Variants in DHX33 observed in about 807,000 individuals in gnomAD.
DHX33 encodes the protein ATP-dependent RNA helicase DHX33.
A neutral mutation model predicts 72.5 loss-of-function variants in DHX33; 42 were observed. The observed-to-expected ratio is 0.58, with a 90% CI of 0.45 to 0.75. DHX33 has a LOEUF of 0.75. Ranked by LOEUF, DHX33 falls within the 30% of genes least tolerant of loss-of-function variation. The pLI is 0.00. For missense variants in DHX33, 842 were observed against 917.5 expected (o/e 0.92, Z 1.06); for synonymous variants, 358 against 366.1 (o/e 0.98, Z 0.25).
Position 5,462,462 on chromosome 17 carries a change from C to T in DHX33, c.535G>A (p.Ala179Thr). 1 of 1,614,214 alleles carries T rather than the reference C, an allele frequency of 6.2e-7. No homozygotes were observed. Among genetic ancestry groups the T allele is most frequent in the Non-Finnish European group, 8.5e-7 (1 of 1,180,018 alleles). The stretch of plus-strand genomic sequence containing the variant: ...TTCCGAAGCAAAGAGTCTGAAATTG[C>T]TTCACGCAGAAGCATGCCATCTGTC... ...FLTDGMLLRE[A>T]ISDSLLRKYS... Residue 179 changes from alanine to threonine, a missense_variant, in exon 3 of 12, where the codon GCA becomes ACA. Physicochemically the swap from Ala to Thr is moderately conservative, Grantham distance 58 (BLOSUM62 0). Coordinates refer to ENST00000225296, the MANE Select transcript of DHX33 (RefSeq NM_020162.4).
Position 5,444,309 on chromosome 17 carries a change from T to C in DHX33, c.2020A>G (p.Thr674Ala). 6.2e-7 allele frequency: 1 copy of C among 1,614,022 alleles called. No homozygotes were observed. The highest frequency in any genetic ancestry group is 8.5e-7 in the Non-Finnish European group (1 of 1,180,006). Residue 674 changes from threonine to alanine, a missense_variant, in exon 12 of 12, where the codon ACC (threonine) becomes GCC (alanine). Physicochemically the swap from Thr to Ala is moderately conservative, Grantham distance 58. Transcript: ENST00000225296. This position sits in a 1 kb window ranked among gnomAD's most constrained non-coding sequence, Gnocchi z 4.9. ...AGGTCCCGCATGTAGCACTTGTTGG[T>C]GTAGAGCAGCTCAGTGTACACGACG... The part of the protein sequence containing the change: ...ACVVYTELLY[T>A]NKCYMRDLCV...
chr17:5,447,148 T>A (rs1361151852), intron 11 of DHX33, among the ~76,000 whole-genome samples: 4 of 152,180 alleles, frequency 2.6e-5, no homozygotes, highest in Non-Finnish European at 4.4e-5. Flanking sequence ...AAATGTGGAG[T>A]GTCATGCGAG....
rs1013284157 is a variant in DHX33, at chr17:5,468,980, A to G, written c.-121T>C. The G allele has an allele frequency of 8.8e-6, 5 of 570,640 alleles. No individual in the cohort carries two copies. In the African/African-American group the frequency reaches 1.0e-4, roughly 12 times the overall value. The allele number at this position is 570,640 out of a possible 1,614,324, so 35.3% of individuals were successfully genotyped here. ...CACGTGCTGGCGGCTCCCGGCGACC[A>G]CCGATGACCTCACGGCCGCCCCAGT... On this transcript the variant is annotated 5_prime_UTR_variant, in exon 1 of 12. Transcript: ENST00000225296.
Position 5,444,294 on chromosome 17 carries a change from T to C in DHX33, c.2035A>G (p.Met679Val), listed in dbSNP as rs751430475. The change falls in exon 12 of 12, where the codon ATG (methionine) becomes GTG (valine). Residue 679 changes from methionine to valine, a missense_variant. Coordinates refer to ENST00000225296, the MANE Select transcript of DHX33 (RefSeq NM_020162.4). The surrounding 1 kb of genome is among the most constrained non-coding windows in gnomAD (Gnocchi z 4.9). ...TELLYTNKCY[M>V]RDLCVIDAQW... ...GCATCTATGACGCAGAGGTCCCGCATGTAGCACTTGTTGGTGTAGAGCAGC... is the reference window on the plus strand; with the variant it reads ...GCATCTATGACGCAGAGGTCCCGCACGTAGCACTTGTTGGTGTAGAGCAGC... The C allele has an allele frequency of 2.5e-6, 4 of 1,614,058 alleles. No individual in the cohort carries two copies. The highest frequency in any genetic ancestry group is 1.1e-5 in the South Asian group (1 of 91,086).
Position 5,455,164 on chromosome 17 carries a change from G to A in DHX33, c.1143C>T (p.Asn381=), listed in dbSNP as rs146627988. The change falls in exon 6 of 12, where the codon AAC becomes AAT. Residue 381 remains asparagine (N), a synonymous_variant. Coordinates refer to ENST00000225296, the MANE Select transcript of DHX33 (RefSeq NM_020162.4). ...TCATGAACTACAAATTCTCACCAGG[G>A]TTATACTTCTTTGCTTTAACCATGC... is the stretch of plus-strand genomic sequence containing the variant. ...DTGMVKAKKY[N]PDSGLEVLAV... is the part of the protein sequence containing the mutation. 189 of 1,612,698 alleles carry A rather than the reference G, an allele frequency of 1.2e-4. No homozygotes were observed. Among genetic ancestry groups the A allele is most frequent in the Non-Finnish European group, 1.6e-4 (184 of 1,178,836 alleles).
chr17:5,460,999 G>A lies in DHX33; in HGVS notation c.789C>T (p.Thr263=). The part of the protein sequence containing the change: ...GRQHPIQVFY[T]KQPQNDYLHA... ...GCAGGTAATCATTCTGAGGCTGTTT[G>A]GTGTAAAACACCTGGATCGGATGCT... The change falls in exon 4 of 12, where the codon ACC becomes ACT. Residue 263 remains threonine, a synonymous_variant. Coordinates refer to ENST00000225296, the MANE Select transcript of DHX33 (RefSeq NM_020162.4). 1 of 1,614,088 alleles carries A rather than the reference G, an allele frequency of 6.2e-7. No homozygotes were observed. The highest frequency in any genetic ancestry group is 1.3e-5 in the African/African-American group (1 of 75,032).
chr17:5,444,676 C>T lies in DHX33; in HGVS notation c.1816-163G>A, dbSNP rs1916576820. Among the ~76,000 whole-genome samples, 1 of 152,184 alleles carries T rather than the reference C, an allele frequency of 6.6e-6. No homozygotes were observed. The highest frequency in any genetic ancestry group is 1.5e-5 in the Non-Finnish European group (1 of 68,036). ...TTCGGAGGTGGTCACCAAGGATCAG[C>T]AAGGTCAGGGGAAGAAGGCCCAGCT... On this transcript the variant is annotated intron_variant, in intron 11 of 11. Coordinates refer to ENST00000225296, the MANE Select transcript of DHX33 (RefSeq NM_020162.4). The surrounding 1 kb of genome is among the most constrained non-coding windows in gnomAD (Gnocchi z 4.9).
At position 5,450,896 on chromosome 17, in the gene DHX33, C is replaced by T. The variant is rs1426538330; in HGVS notation, c.1435G>A (p.Gly479Ser). ...TGGTCATCCTTATGTTCAAGAGCAC[C>T]TAACAGGTCCAGTTGGGCAATGGCC... is the stretch of plus-strand genomic sequence containing the variant. Reference protein sequence around the residue: ...QAAIAQLDLLGALEHKDDQLT... With the variant: ...QAAIAQLDLLSALEHKDDQLT... Residue 479 changes from glycine to serine, a missense_variant, in exon 9 of 12, where the codon GGT (glycine) becomes AGT (serine). By Grantham distance (56) the Gly-to-Ser change is moderately conservative. Coordinates refer to ENST00000225296, the MANE Select transcript of DHX33 (RefSeq NM_020162.4). 2 of 1,613,992 alleles carry T rather than the reference C, an allele frequency of 1.2e-6. No individual in the cohort carries two copies. The highest frequency in any genetic ancestry group is 8.5e-7 in the Non-Finnish European group (1 of 1,180,030).
At chr17:5,458,148 T>C (rs1904411591) in intron 4 of DHX33, among the ~76,000 whole-genome samples, 1 of 152,014 alleles carries the variant, frequency 6.6e-6, no homozygotes, top group South Asian at 2.1e-4. Context: ...TGGGAAGCCA[T>C]GGGTCTCACC....
intron 8 of DHX33, 66 bp downstream of exon 8, chr17:5,453,514 G>C: frequency 7.9e-7 from 1 of 1,270,112 alleles, no homozygotes; most frequent in Non-Finnish European, 1.1e-6. Flanking sequence ...TTATTTTTTT[G>C]GAAGTGTCCA....
intron 4 of DHX33, among the ~76,000 whole-genome samples, chr17:5,457,674 T>C (rs748110471): frequency 2.6e-5 from 4 of 151,692 alleles, no homozygotes; most frequent in African/African-American, 9.7e-5. Context: ...TATATGTATA[T>C]TTATGTATAT....
chr17:5,460,481 G>A (rs1224569375), intron 4 of DHX33, among the ~76,000 whole-genome samples: 2 of 151,554 alleles, frequency 1.3e-5, no homozygotes, highest in Non-Finnish European at 2.9e-5. Context: ...TCCAGACACA[G>A]CAAATGAACT....
Position 5,450,944 on chromosome 17 carries a change from C to G in DHX33, c.1397-10G>C, listed in dbSNP as rs1173926719. On this transcript the variant is annotated splice_polypyrimidine_tract_variant and intron_variant, in intron 8 of 11. Coordinates refer to ENST00000225296, the MANE Select transcript of DHX33 (RefSeq NM_020162.4). ...GCCGCCTGAATGTGATCTAAAGAAA[C>G]AGAGACATAAAAAGGAGCCAAAAGT... The G allele has an allele frequency of 5.6e-6, 9 of 1,610,474 alleles. No homozygotes were observed. The Admixed American group carries it at 1.2e-4, about 21-fold the overall frequency.
intron 5 of DHX33, among the ~76,000 whole-genome samples, chr17:5,455,633 G>A (rs1191043823): frequency 6.6e-5 from 10 of 152,162 alleles, no homozygotes; most frequent in South Asian, 2.1e-4. Context: ...CTGCCTTGCC[G>A]GTTCCCACGA....
chr17:5,449,756 G>T (rs1916810639), intron 10 of DHX33, among the ~76,000 whole-genome samples: 2 of 152,124 alleles, frequency 1.3e-5, no homozygotes, highest in South Asian at 4.1e-4. Flanking sequence ...TTTTTCAACT[G>T]CACGAAGCTT....
At position 5,448,806 on chromosome 17, in the gene DHX33, T is replaced by C. The variant is rs751103954; in HGVS notation, c.1815+3A>G. 7 of 1,598,808 alleles carry C rather than the reference T, an allele frequency of 4.4e-6. No homozygotes were observed. Among genetic ancestry groups the C allele is most frequent in the Non-Finnish European group, 5.1e-6 (6 of 1,172,702 alleles). On this transcript the variant is annotated splice_donor_region_variant and intron_variant, in intron 11 of 11. Transcript: ENST00000225296. ...CCCACAGAACACTAGGACCAGACGATACCTTTAAGCAGATGTCCCTCAGCT... is the reference window on the plus strand; with the variant it reads ...CCCACAGAACACTAGGACCAGACGACACCTTTAAGCAGATGTCCCTCAGCT...
At chr17:5,457,177 G>T (rs566675725) in intron 4 of DHX33, among the ~76,000 whole-genome samples, 141 of 152,188 alleles carry the variant, frequency 9.3e-4, no homozygotes, top group African/African-American at 3.1e-3. Context: ...GCGTGGTGGC[G>T]CACGCCTGTA....
chr17:5,449,353 C>A (rs1916790366), intron 10 of DHX33, among the ~76,000 whole-genome samples: 1 of 152,080 alleles, frequency 6.6e-6, no homozygotes, highest in Admixed American at 6.6e-5. Context: ...GACCAACGAC[C>A]CAGTAGAAAA....
intron 8 of DHX33, among the ~76,000 whole-genome samples, chr17:5,453,121 T>C (rs559127477): frequency 2.0e-5 from 3 of 152,254 alleles, no homozygotes; most frequent in African/African-American, 7.2e-5. Context: ...CCTGTGCTGA[T>C]AAAAGTACAA....
Sources: allele counts gnomAD v4.1 joint callset (sites outside exome capture counted in the v4.1 genomes callset), GRCh38; gene constraint gnomAD v4.1.1; non-coding constraint Gnocchi (gnomAD v3.1); transcripts MANE v1.5; gene names NCBI Gene and HGNC (gene_info 2026-07-23, HGNC 2026-07-21).